Variants in SLC44A1 observed in about 807,000 individuals in gnomAD.
SLC44A1 encodes choline transporter-like protein 1.
SLC44A1 carries 26 observed loss-of-function variants against 79.3 expected under a neutral mutation model. The ratio of observed to expected loss-of-function variants is 0.33; its 90% CI spans 0.24 to 0.46. The LOEUF is 0.46. SLC44A1 is among the 20% of genes least tolerant of loss of function. The pLI is 1.00. For synonymous variants in SLC44A1, 263 were observed against 286.2 expected (o/e 0.92, Z 0.82); for missense variants, 688 against 798.1 (o/e 0.86, Z 1.66).
chr9:105,299,861 C>G (rs1360281674), intron 2 of SLC44A1: 1 of 986,238 alleles, frequency 1.0e-6, no homozygotes, highest in African/African-American at 1.7e-5. Flanking sequence ...TGAGTGGCAT[C>G]TTTCAATTAG....
intron 3 of SLC44A1, among the ~76,000 whole-genome samples, chr9:105,318,024 C>T (rs545852217): frequency 7.2e-5 from 11 of 152,222 alleles, no homozygotes; most frequent in Non-Finnish European, 1.3e-4. Flanking sequence ...ACTGTCACTC[C>T]CACTTTAGCA....
chr9:105,309,809 A>G lies in SLC44A1; in HGVS notation c.212A>G (p.Gln71Arg). ...GACAGCTATGGAAATATCTGTGGGC[A>G]GAAAAATACAAAGTTGGAAGCAATA... ...GYDSYGNICG[Q>R]KNTKLEAIPN... The change falls in exon 3 of 16, where the codon CAG becomes CGG. Residue 71 changes from glutamine to arginine, a missense_variant. By Grantham distance (43) the Gln-to-Arg change is conservative (BLOSUM62 1). Transcript: ENST00000374720. 1 of 1,614,012 alleles carries G rather than the reference A, an allele frequency of 6.2e-7. No homozygotes were observed. The highest frequency in any genetic ancestry group is 1.3e-5 in the African/African-American group (1 of 75,058).
At position 105,394,321 on chromosome 9, in the gene SLC44A1, G is replaced by T; in HGVS notation, c.*5265G>T. The T allele has an allele frequency of 1.0e-6, 1 of 985,136 alleles. No individual in the cohort carries two copies. Among genetic ancestry groups the T allele is most frequent in the Non-Finnish European group, 1.2e-6 (1 of 829,864 alleles). 61.0% of individuals were successfully genotyped at this position (985,136 alleles called of 1,614,324 possible). A position where few individuals can be genotyped will look rare whatever the true frequency, so the allele number is the denominator to read the frequency against. ...TTTATGTAATTTAGTAGCAGGTTAG[G>T]GAATAGAAACCACACTAATCTGAAG... On this transcript the variant is annotated 3_prime_UTR_variant, in exon 16 of 16. Coordinates refer to ENST00000374720, the MANE Select transcript of SLC44A1 (RefSeq NM_080546.5).
intron 15 of SLC44A1, among the ~76,000 whole-genome samples, chr9:105,421,082 G>GGT (rs1470835374): frequency 2.6e-5 from 4 of 152,050 alleles, no homozygotes; most frequent in African/African-American, 9.7e-5. Flanking sequence ...TTAAAAGGCA[G>GGT]GTGTTAAGCG....
At chr9:105,419,396 G>C (rs901346619) in intron 15 of SLC44A1, among the ~76,000 whole-genome samples, 2 of 152,160 alleles carry the variant, frequency 1.3e-5, no homozygotes, top group Middle Eastern at 3.2e-3. Flanking sequence ...GTTTTATAAA[G>C]AGAGTATCTT....
At chr9:105,358,539 C>T in intron 7 of SLC44A1, 106 bp downstream of exon 7, 1 of 685,620 alleles carries the variant, frequency 1.5e-6, no homozygotes, top group Non-Finnish European at 2.5e-6. Context: ...GCTATATCCT[C>T]AAGGAAGACT....
intron 3 of SLC44A1, among the ~76,000 whole-genome samples, chr9:105,315,631 T>G (rs1004320801): frequency 6.6e-6 from 1 of 152,208 alleles, no homozygotes; most frequent in Non-Finnish European, 1.5e-5. Context: ...CACATAACCA[T>G]CTATTTTAGG....
intron 4 of SLC44A1, among the ~76,000 whole-genome samples, chr9:105,341,245 G>A (rs1827077803): frequency 6.6e-6 from 1 of 150,492 alleles, no homozygotes; most frequent in Non-Finnish European, 1.5e-5. Flanking sequence ...TGAGATAGGA[G>A]AATTGCTTGA....
intron 3 of SLC44A1, 31 bp downstream of exon 3, chr9:105,309,897 G>A (rs751076343): frequency 1.1e-5 from 18 of 1,598,446 alleles, no homozygotes; most frequent in Non-Finnish European, 1.1e-5. Context: ...ATGAACACAT[G>A]GAAACTTTGA....
In SLC44A1 at chr9:105,395,262, A is replaced by T; in HGVS notation, c.*6206A>T. 1.1e-6 allele frequency: 1 copy of T among 871,838 alleles called. No individual in the cohort carries two copies. The highest frequency in any genetic ancestry group is 1.4e-6 in the Non-Finnish European group (1 of 726,682). The allele number at this position is 871,838 out of a possible 1,614,324, so 54.0% of individuals were successfully genotyped here. A position where few individuals can be genotyped will look rare whatever the true frequency, so the allele number is the denominator to read the frequency against. On this transcript the variant is annotated 3_prime_UTR_variant, in exon 16 of 16. Coordinates refer to ENST00000374720, the MANE Select transcript of SLC44A1 (RefSeq NM_080546.5). Reference sequence around the variant, plus strand: ...TGAGACGGAGTCTCGCTCTATCGCCAGCTTAGAGTGCAGTGGCTCAATCTT... The same window carrying T: ...TGAGACGGAGTCTCGCTCTATCGCCTGCTTAGAGTGCAGTGGCTCAATCTT...
intron 2 of SLC44A1, among the ~76,000 whole-genome samples, chr9:105,300,398 A>G (rs901758695): frequency 6.6e-6 from 1 of 152,092 alleles, no homozygotes; most frequent in African/African-American, 2.4e-5. Context: ...CCTTCTTACT[A>G]TACCTTTTAT....
intron 1 of SLC44A1, among the ~76,000 whole-genome samples, chr9:105,264,073 C>T (rs1588711588): frequency 2.0e-5 from 3 of 152,312 alleles, no homozygotes; most frequent in Middle Eastern, 3.4e-3. Flanking sequence ...CCAACACCAT[C>T]CTTTGCCCTA....
intron 1 of SLC44A1, among the ~76,000 whole-genome samples, chr9:105,295,822 T>A (rs1026432626): frequency 6.6e-6 from 1 of 152,210 alleles, no homozygotes; most frequent in African/African-American, 2.4e-5. Context: ...ATTATTTAAC[T>A]TCTGAGCCTG....
intron 15 of SLC44A1, among the ~76,000 whole-genome samples, chr9:105,429,086 A>C (rs892781076): frequency 6.6e-6 from 1 of 152,254 alleles, no homozygotes; most frequent in Non-Finnish European, 1.5e-5. Context: ...GTTACTGGGC[A>C]TATGGTCAAA....
At chr9:105,280,283 C>A (rs1354741695) in intron 1 of SLC44A1, among the ~76,000 whole-genome samples, 1 of 152,130 alleles carries the variant, frequency 6.6e-6, no homozygotes, top group Non-Finnish European at 1.5e-5. Context: ...GTATAGGATT[C>A]CAGGTCTAGC....
At chr9:105,275,222 T>C (rs1166001552) in intron 1 of SLC44A1, among the ~76,000 whole-genome samples, 1 of 152,232 alleles carries the variant, frequency 6.6e-6, no homozygotes, top group Non-Finnish European at 1.5e-5. Context: ...CTCAATTTGT[T>C]GTAATGCTAG....
At chr9:105,279,001 A>G (rs777548115) in intron 1 of SLC44A1, among the ~76,000 whole-genome samples, 2 of 152,154 alleles carry the variant, frequency 1.3e-5, no homozygotes, top group Non-Finnish European at 2.9e-5. Flanking sequence ...AAGAAACTGC[A>G]GCAGAACAAA....
Position 105,258,024 on chromosome 9 carries a change from C to T in SLC44A1, c.36+13120C>T, listed in dbSNP as rs553320907. 1.3e-3 allele frequency among the ~76,000 whole-genome samples: 201 copies of T among 152,304 alleles called. 1 individual carries two copies. The highest frequency in any genetic ancestry group is 4.7e-3 in the African/African-American group (195 of 41,560). On this transcript the variant is annotated intron_variant, in intron 1 of 15. Transcript: ENST00000374720. The stretch of plus-strand genomic sequence containing the variant: ...GGCCGCCCAGGGAGCTGTTCAGTAA[C>T]TCATACCAGTGTAAACAGGAAACAG...
intron 1 of SLC44A1, among the ~76,000 whole-genome samples, chr9:105,269,965 C>T (rs1830041593): frequency 6.6e-6 from 1 of 152,188 alleles, no homozygotes; most frequent in South Asian, 2.1e-4. Context: ...ACAGTTTACT[C>T]ACCTACTAGA....
Sources: gnomAD v4.1 joint callset for allele counts (sites outside exome capture counted in the v4.1 genomes callset) on GRCh38, gnomAD v4.1.1 for gene constraint, MANE v1.5 for transcripts, NCBI Gene and HGNC (gene_info 2026-07-23, HGNC 2026-07-21) for gene names.